CIP2A: variants seen among roughly 807,000 people sequenced by gnomAD.
CIP2A encodes the protein protein CIP2A.
Under a neutral mutation model 110.9 loss-of-function variants are expected in CIP2A, and 103 were observed. The observed-to-expected ratio is 0.93, with a 90% CI of 0.79 to 1.09. CIP2A has a LOEUF of 1.09. Among genes scored for constraint, CIP2A ranks in the 50% least tolerant of loss-of-function variants. CIP2A has a pLI of 0.00. For synonymous variants in CIP2A, 381 were observed against 361.6 expected, an observed-to-expected ratio of 1.05 and a Z score of -0.61; for missense variants, 1,088 against 1,038.4, an observed-to-expected ratio of 1.05 and a Z score of -0.66.
chr3:108,553,894 TATAAA>T (rs1281865437), intron 18 of CIP2A, among the ~76,000 whole-genome samples, 164 bp from the exon 19 acceptor site: 9 of 49,706 alleles, frequency 1.8e-4, no homozygotes, highest in Middle Eastern at 0.017. Flanking sequence ...CTACTAAAAA[TATAAA>T]AAAAAAAAAA....
At chr3:108,587,149 T>C (rs532623733) in intron 1 of CIP2A, among the ~76,000 whole-genome samples, 45 of 152,144 alleles carry the variant, frequency 3.0e-4, no homozygotes, top group Non-Finnish European at 6.3e-4. Flanking sequence ...ACGGAACATA[T>C]AGGCATATGT....
In CIP2A at chr3:108,563,162, A is replaced by C. The variant is rs1938064701; in HGVS notation, c.1598T>G (p.Leu533Trp). The C allele has an allele frequency of 6.2e-7, 1 of 1,612,606 alleles. No individual in the cohort carries two copies. Among genetic ancestry groups the C allele is most frequent in the African/African-American group, 1.3e-5 (1 of 74,838 alleles). The change falls in exon 13 of 21, where the codon TTG (leucine) becomes TGG (tryptophan). Residue 533 changes from leucine (L) to tryptophan (W), a missense_variant. Leu to Trp is a moderately conservative substitution (Grantham distance 61, BLOSUM62 -2). Transcript: ENST00000295746. ...EQVQSGLRIL[L>W]EAAPLPDFPA... is the part of the protein sequence containing the mutation. ...AAAATCTGGCAGTGGAGCAGCCTCC[A>C]ATAATATTCTCAGTCCAGACTGTAC...
chr3:108,563,098 A>T lies in CIP2A; in HGVS notation c.1634+28T>A, dbSNP rs764342344. ...TAGCAGGGTATTCCAACACCACAAG[A>T]GATACACTGCAAATGATTACAACTC... On this transcript the variant is annotated intron_variant, in intron 13 of 20. Coordinates refer to ENST00000295746, the MANE Select transcript of CIP2A (RefSeq NM_020890.3). 17 of 1,405,614 alleles carry T rather than the reference A, an allele frequency of 1.2e-5. No individual in the cohort carries two copies. In the South Asian group the frequency reaches 2.0e-4, roughly 16 times the overall value. The allele number at this position is 1,405,614 out of a possible 1,614,324, so 87.1% of individuals were successfully genotyped here.
chr3:108,573,474 C>A (rs1042510413), intron 8 of CIP2A, among the ~76,000 whole-genome samples: 1 of 150,330 alleles, frequency 6.7e-6, no homozygotes, highest in African/African-American at 2.4e-5. Flanking sequence ...TTTACTTTTC[C>A]ATTCTCTTTC....
intron 8 of CIP2A, among the ~76,000 whole-genome samples, chr3:108,571,545 T>C (rs1477781230): frequency 6.6e-6 from 1 of 152,208 alleles, no homozygotes; most frequent in Admixed American, 6.6e-5. Context: ...TGTTTGTGTA[T>C]CTTACCATAT....
In CIP2A at chr3:108,581,531, T is replaced by C; in HGVS notation, c.453-20A>G. The C allele has an allele frequency of 1.4e-6, 2 of 1,474,062 alleles. No homozygotes were observed. The highest frequency in any genetic ancestry group is 1.9e-6 in the Non-Finnish European group (2 of 1,058,432). 91.3% of individuals were successfully genotyped at this position (1,474,062 alleles called of 1,614,324 possible). On this transcript the variant is annotated intron_variant, in intron 4 of 20. Transcript: ENST00000295746. ...GATTGACTGTTGTTTTACATTGGTG[T>C]TTTGTTTAAAGAAAAAATAGTAAAA...
At chr3:108,574,645 GTA>G (rs1355939679) in intron 8 of CIP2A, 3 of 152,884 alleles carry the variant, frequency 2.0e-5, no homozygotes, top group Non-Finnish European at 4.4e-5. Flanking sequence ...CTCCTTGGTA[GTA>G]TACATGGCCT....
At chr3:108,551,865 A>C (rs1228870544) in intron 20 of CIP2A, among the ~76,000 whole-genome samples, 1 of 152,148 alleles carries the variant, frequency 6.6e-6, no homozygotes, top group Non-Finnish European at 1.5e-5. Flanking sequence ...TGACTTTAGT[A>C]AGTAACCTCA....
chr3:108,575,951 T>C (rs76394480), intron 8 of CIP2A, among the ~76,000 whole-genome samples: 1 of 150,470 alleles, frequency 6.6e-6, no homozygotes, highest in Non-Finnish European at 1.5e-5. Flanking sequence ...TATATACATA[T>C]ATGTGTATAT....
chr3:108,578,392 C>T (rs1474414501), intron 7 of CIP2A, among the ~76,000 whole-genome samples: 1 of 152,146 alleles, frequency 6.6e-6, no homozygotes, highest in Non-Finnish European at 1.5e-5. Context: ...TCTAGAGATT[C>T]TTAAGAGAAG....
At chr3:108,575,423 TGTATACATAC>T (rs1938554405) in intron 8 of CIP2A, among the ~76,000 whole-genome samples, 1 of 95,622 alleles carries the variant, frequency 1.0e-5, no homozygotes. Flanking sequence ...TACATATACA[TGTATACATAC>T]ACATACATAT....
At chr3:108,552,933 T>C (rs912853041) in intron 19 of CIP2A, among the ~76,000 whole-genome samples, 10 of 151,646 alleles carry the variant, frequency 6.6e-5, no homozygotes, top group African/African-American at 2.2e-4. Flanking sequence ...TGGCAGGAGG[T>C]TGAAAATTAC....
Position 108,560,725 on chromosome 3 carries a change from A to G in CIP2A, c.1751T>C (p.Leu584Ser). The G allele has an allele frequency of 1.2e-6, 2 of 1,612,332 alleles. No homozygotes were observed. The highest frequency in any genetic ancestry group is 1.7e-4 in the Middle Eastern group (1 of 6,044). ...AACACCATCTTTCAAATGAGGAGTTAAACACTTTATTGATGTTGGAAAACT... is the reference window on the plus strand; with the variant it reads ...AACACCATCTTTCAAATGAGGAGTTGAACACTTTATTGATGTTGGAAAACT... Reference protein sequence around the residue: ...NHSFPTSIKCLTPHLKDGVPG... With the variant: ...NHSFPTSIKCSTPHLKDGVPG... Residue 584 changes from leucine to serine, a missense_variant, in exon 14 of 21, where the codon TTA becomes TCA. Coordinates refer to ENST00000295746, the MANE Select transcript of CIP2A (RefSeq NM_020890.3).
At position 108,575,918 on chromosome 3, in the gene CIP2A, G is replaced by A. The variant is rs36197518; in HGVS notation, c.894+353C>T. On this transcript the variant is annotated intron_variant, in intron 8 of 20. Coordinates refer to ENST00000295746, the MANE Select transcript of CIP2A (RefSeq NM_020890.3). ...AGTATATATACATATATACATATAC[G>A]TATATATACATACATATACGTATAT... Among the ~76,000 whole-genome samples, 13 of 141,414 alleles carry A rather than the reference G, an allele frequency of 9.2e-5. 2 individuals are homozygous for A. Among genetic ancestry groups the A allele is most frequent in the Middle Eastern group, 3.9e-3 (1 of 256 alleles). The allele number at this position is 141,414 out of a possible 152,430, so 92.8% of individuals were successfully genotyped here. A position where few individuals can be genotyped will look rare whatever the true frequency, so the allele number is the denominator to read the frequency against.
rs13083928 is a variant in CIP2A, at chr3:108,565,389, G to A, written c.1481C>T (p.Pro494Leu). ...TTTGTAGAAGCTTACTTCCATACCA[G>A]GAACCAATGGTTTAAGTTTGTTAAT... ...DLINKLKPLV[P>L]GMEVSFYKIL... The change falls in exon 12 of 21, where the codon CCT (proline) becomes CTT (leucine). Residue 494 changes from proline to leucine, a missense_variant. By Grantham distance (98) the Pro-to-Leu change is moderately conservative. Coordinates refer to ENST00000295746, the MANE Select transcript of CIP2A (RefSeq NM_020890.3). 1.4e-3 allele frequency: 2,167 copies of A among 1,599,182 alleles called. 1 individual carries two copies. The highest frequency in any genetic ancestry group is 1.7e-3 in the Non-Finnish European group (1,934 of 1,171,700).
intron 13 of CIP2A, among the ~76,000 whole-genome samples, chr3:108,562,566 A>T (rs1427423880): frequency 2.0e-5 from 3 of 152,060 alleles, no homozygotes; most frequent in African/African-American, 4.8e-5. Flanking sequence ...TGAAATCTGA[A>T]TTTTTTTTCA....
intron 9 of CIP2A, 79 bp from the exon 10 acceptor site, chr3:108,568,393 C>T: frequency 8.6e-7 from 1 of 1,165,142 alleles, no homozygotes. Context: ...TGAATTGTAA[C>T]ACTCTCTTTA....
intron 8 of CIP2A, among the ~76,000 whole-genome samples, chr3:108,575,334 A>C (rs898481760): frequency 2.4e-4 from 36 of 148,966 alleles, no homozygotes; most frequent in Non-Finnish European, 4.9e-4. Flanking sequence ...ACACACGTGT[A>C]TATATACATA....
rs891617200 is a variant in CIP2A, at chr3:108,554,957, G to T, written c.2211-468C>A. Among the ~76,000 whole-genome samples, 4 of 151,978 alleles carry T rather than the reference G, an allele frequency of 2.6e-5. No individual in the cohort carries two copies. The East Asian group carries it at 7.7e-4, about 29-fold the overall frequency. On this transcript the variant is annotated intron_variant, in intron 17 of 20. Coordinates refer to ENST00000295746, the MANE Select transcript of CIP2A (RefSeq NM_020890.3). ...TCTTTTTTATTTCACTAAGCACAAA[G>T]ATTTTTAAAAAGCAACCCAAAAACC...
Sources: allele counts gnomAD v4.1 joint callset (sites outside exome capture counted in the v4.1 genomes callset), GRCh38; gene constraint gnomAD v4.1.1; transcripts MANE v1.5; gene names NCBI Gene and HGNC (gene_info 2026-07-23, HGNC 2026-07-21).